The following LRBA variants were observed in gnomAD, a reference collection of about 807,000 sequenced individuals.
The protein encoded by LRBA is lipopolysaccharide-responsive and beige-like anchor protein.
Under a neutral mutation model 330.0 loss-of-function variants are expected in LRBA, and 176 were observed. The observed-to-expected ratio is 0.53, with a 90% CI of 0.47 to 0.60. LRBA has a LOEUF of 0.60. Ranked by LOEUF, LRBA falls within the 20% of genes least tolerant of loss-of-function variation. The probability of loss-of-function intolerance (pLI) is 0.00; values close to 1 mark genes in which losing one functional copy is unlikely to be tolerated. For missense variants in LRBA, 3,259 were observed against 3,444.8 expected (o/e 0.95, Z 1.35); for synonymous variants, 1,230 against 1,193.0 (o/e 1.03, Z -0.64).
chr4:150,325,494 C>T (rs112819942), intron 49 of LRBA, among the ~76,000 whole-genome samples: 2 of 152,208 alleles, frequency 1.3e-5, no homozygotes, highest in African/African-American at 2.4e-5. Flanking sequence ...GAGAATCAAA[C>T]CAGAAAAGTC....
intron 2 of LRBA, among the ~76,000 whole-genome samples, chr4:150,949,037 A>G (rs944523888): frequency 5.1e-5 from 7 of 136,348 alleles, no homozygotes; most frequent in African/African-American, 2.2e-4. Flanking sequence ...ATTTCTATTT[A>G]AAAAAAAAAA....
At chr4:150,959,144 C>T (rs1232324602) in intron 2 of LRBA, among the ~76,000 whole-genome samples, 1 of 149,408 alleles carries the variant, frequency 6.7e-6, no homozygotes, top group Non-Finnish European at 1.5e-5. Flanking sequence ...GTTCTACATG[C>T]CTGGAGAGGC....
At chr4:150,652,688 A>G (rs1236050075) in intron 37 of LRBA, among the ~76,000 whole-genome samples, 1 of 152,230 alleles carries the variant, frequency 6.6e-6, no homozygotes, top group Non-Finnish European at 1.5e-5. Flanking sequence ...AGATTCTTTC[A>G]TCATTTGAAT....
At chr4:150,699,089 G>A (rs1163705883) in intron 36 of LRBA, among the ~76,000 whole-genome samples, 1 of 152,166 alleles carries the variant, frequency 6.6e-6, no homozygotes, top group Non-Finnish European at 1.5e-5. Flanking sequence ...AGGAAAAAAG[G>A]GTAACACTGG....
chr4:150,455,665 A>G (rs1420310677), intron 44 of LRBA, among the ~76,000 whole-genome samples: 5 of 152,204 alleles, frequency 3.3e-5, no homozygotes, highest in Non-Finnish European at 7.3e-5. Flanking sequence ...TTGTGTTACA[A>G]TCAAATTATA....
intron 40 of LRBA, among the ~76,000 whole-genome samples, chr4:150,565,139 A>G (rs1561360794): frequency 6.6e-6 from 1 of 152,216 alleles, no homozygotes; most frequent in Non-Finnish European, 1.5e-5. Flanking sequence ...AGATGAAGAA[A>G]TGTGGTACAT....
At chr4:150,323,004 T>TGC (rs1217891912) in intron 49 of LRBA, among the ~76,000 whole-genome samples, 3 of 134,026 alleles carry the variant, frequency 2.2e-5, no homozygotes, top group African/African-American at 8.4e-5. Flanking sequence ...TCTGTGTGTG[T>TGC]GTGTGTGTGT....
chr4:150,703,145 T>C (rs192213769), intron 36 of LRBA, among the ~76,000 whole-genome samples: 1 of 152,140 alleles, frequency 6.6e-6, no homozygotes, highest in African/African-American at 2.4e-5. Flanking sequence ...TAGGCGACAG[T>C]GCGAGACTTC....
At position 150,410,106 on chromosome 4, in the gene LRBA, A is replaced by T. The variant is rs575337422; in HGVS notation, c.7194+5332T>A. On this transcript the variant is annotated intron_variant, in intron 47 of 56. Transcript: ENST00000651943. ...TTCAATTCCAAAAATTTTTTTTTTT[A>T]AATGTTGTCTGGTCAGTGGTCTTAA... 7.2e-5 allele frequency among the ~76,000 whole-genome samples: 11 copies of T among 151,778 alleles called. 1 individual carries two copies. The South Asian group carries it at 1.2e-3, about 17-fold the overall frequency.
chr4:150,410,372 A>G (rs545102799), intron 47 of LRBA, among the ~76,000 whole-genome samples: 114 of 152,304 alleles, frequency 7.5e-4, no homozygotes, highest in Middle Eastern at 6.8e-3. Flanking sequence ...AGGCAATACT[A>G]TGAAAGGACA....
chr4:150,816,699 A>C (rs1238245929), intron 31 of LRBA, among the ~76,000 whole-genome samples: 1 of 151,930 alleles, frequency 6.6e-6, no homozygotes, highest in East Asian at 1.9e-4. Context: ...TGGACACTAT[A>C]TAAATATTTT....
intron 2 of LRBA, among the ~76,000 whole-genome samples, chr4:151,004,073 G>A (rs1037420736): frequency 6.6e-5 from 10 of 151,970 alleles, no homozygotes; most frequent in African/African-American, 1.9e-4. Context: ...CATACACCAC[G>A]ATGCCAGGCC....
intron 44 of LRBA, among the ~76,000 whole-genome samples, chr4:150,441,655 T>A (rs1751855128): frequency 1.3e-5 from 2 of 152,200 alleles, no homozygotes; most frequent in South Asian, 4.1e-4. Flanking sequence ...ATTCTCATAA[T>A]AAATAGGTAA....
At chr4:150,299,976 A>G (rs1173044151) in intron 53 of LRBA, among the ~76,000 whole-genome samples, 2 of 152,076 alleles carry the variant, frequency 1.3e-5, no homozygotes, top group Non-Finnish European at 2.9e-5. Context: ...AAAAGCTCTG[A>G]CTTCAGCAGC....
chr4:150,752,886 C>A (rs1733746052), intron 35 of LRBA, among the ~76,000 whole-genome samples: 1 of 152,018 alleles, frequency 6.6e-6, no homozygotes, highest in Non-Finnish European at 1.5e-5. Context: ...ATAATCTATT[C>A]TCTAGAATGT....
At chr4:150,805,615 G>C (rs867620686) in intron 33 of LRBA, among the ~76,000 whole-genome samples, 3 of 120,794 alleles carry the variant, frequency 2.5e-5, no homozygotes, top group African/African-American at 1.0e-4. Flanking sequence ...AGAAAGGAAA[G>C]GAAAGGAAAG....
At chr4:150,659,185 G>A (rs1025137620) in intron 37 of LRBA, among the ~76,000 whole-genome samples, 1 of 119,088 alleles carries the variant, frequency 8.4e-6, no homozygotes, top group African/African-American at 2.9e-5. Context: ...CCCATCGTCT[G>A]GGATGTGAGG....
At chr4:150,385,715 T>C (rs1428012928) in intron 47 of LRBA, among the ~76,000 whole-genome samples, 1 of 152,122 alleles carries the variant, frequency 6.6e-6, no homozygotes, top group African/African-American at 2.4e-5. Context: ...AGGCTGAAAG[T>C]GCTACTTAAG....
chr4:150,592,141 A>AG (rs1362956744), intron 38 of LRBA, among the ~76,000 whole-genome samples: 2 of 64,990 alleles, frequency 3.1e-5, no homozygotes, highest in South Asian at 9.5e-4. Flanking sequence ...TCGGATGGCT[A>AG]GGGTTTTTTT....
Sources: gnomAD v4.1 joint callset for allele counts (sites outside exome capture counted in the v4.1 genomes callset) on GRCh38, gnomAD v4.1.1 for gene constraint, MANE v1.5 for transcripts, NCBI Gene and HGNC (gene_info 2026-07-23, HGNC 2026-07-21) for gene names.